CACNA2D3: variants seen among roughly 807,000 people sequenced by gnomAD.
CACNA2D3 encodes the protein calcium voltage-gated channel auxiliary subunit alpha2delta 3.
CACNA2D3 carries 60 observed loss-of-function variants against 160.6 expected under a neutral mutation model. The observed-to-expected ratio is 0.37, with a 90% CI of 0.30 to 0.46. The LOEUF is 0.46. CACNA2D3 is among the 20% of genes least tolerant of loss of function. The pLI, the probability that CACNA2D3 is intolerant of heterozygous loss-of-function variation, is 1.00. For missense variants in CACNA2D3, 1,205 were observed against 1,365.0 expected, an observed-to-expected ratio of 0.88 and a Z score of 1.85; for synonymous variants, 558 against 492.9, an observed-to-expected ratio of 1.13 and a Z score of -1.75.
chr3:54,918,649 C>A (rs142542421), intron 27 of CACNA2D3: 1 of 1,614,186 alleles, frequency 6.2e-7, no homozygotes, highest in East Asian at 2.2e-5. Context: ...AATGGCATGA[C>A]GCAGGTTGGC....
At chr3:54,409,769 A>G (rs1699635111) in intron 4 of CACNA2D3, among the ~76,000 whole-genome samples, 1 of 152,222 alleles carries the variant, frequency 6.6e-6, no homozygotes. Context: ...CCTAATTTGG[A>G]GCAAGGCCCT....
intron 11 of CACNA2D3, among the ~76,000 whole-genome samples, chr3:54,713,581 T>C (rs1165213561): frequency 6.6e-6 from 1 of 152,182 alleles, no homozygotes; most frequent in Non-Finnish European, 1.5e-5. Context: ...AAGCCTTAGC[T>C]TCCCCATTTG....
rs1701880919 is a variant in CACNA2D3 at position 54,752,607 on chromosome 3, C to CT, written c.1178dup (p.Thr394HisfsTer33). 2 of 1,613,122 alleles carry CT rather than the reference C, an allele frequency of 1.2e-6. No homozygotes were observed. ...GTTTGTCTTCCCTTCAGGTTCGCAT[C>CT]TTCACATACCTCATTGGACGAGAGG... On this transcript the variant is annotated frameshift_variant, in exon 12 of 38. Coordinates refer to ENST00000474759, the MANE Select transcript of CACNA2D3 (RefSeq NM_018398.3). LOFTEE classifies it high-confidence loss of function.
chr3:54,961,431 A>T (rs1702027465), intron 27 of CACNA2D3, among the ~76,000 whole-genome samples: 1 of 152,228 alleles, frequency 6.6e-6, no homozygotes, highest in Non-Finnish European at 1.5e-5. Flanking sequence ...TTTATTATTA[A>T]CTTATTGTAG....
At chr3:54,704,271 G>A (rs936500395) in intron 11 of CACNA2D3, among the ~76,000 whole-genome samples, 7 of 152,130 alleles carry the variant, frequency 4.6e-5, no homozygotes, top group East Asian at 1.9e-4. Flanking sequence ...TGGAGTAACC[G>A]GATCATTTAA....
intron 9 of CACNA2D3, among the ~76,000 whole-genome samples, chr3:54,619,247 G>T (rs1698929174): frequency 6.6e-6 from 1 of 152,178 alleles, no homozygotes; most frequent in Admixed American, 6.5e-5. Context: ...TCCTCTTGGA[G>T]CTGGCCTTGT....
chr3:54,571,682 G>A (rs2106722435), intron 8 of CACNA2D3, among the ~76,000 whole-genome samples: 1 of 127,352 alleles, frequency 7.9e-6, no homozygotes, highest in East Asian at 2.1e-4. Context: ...TCTTTTGCAT[G>A]AAAATAACAC....
intron 2 of CACNA2D3, among the ~76,000 whole-genome samples, chr3:54,165,489 T>C (rs1700434169): frequency 6.6e-6 from 1 of 151,932 alleles, no homozygotes; most frequent in Admixed American, 6.6e-5. Flanking sequence ...AATTAGAAGC[T>C]TCTTGACCTC....
chr3:54,610,083 C>G (rs1437502321), intron 9 of CACNA2D3, among the ~76,000 whole-genome samples: 3 of 152,110 alleles, frequency 2.0e-5, no homozygotes, highest in Admixed American at 2.0e-4. Context: ...GTCTCTGCCT[C>G]CATCTTCATA....
At chr3:54,903,606 G>A (rs1365010716) in intron 27 of CACNA2D3, among the ~76,000 whole-genome samples, 1 of 152,142 alleles carries the variant, frequency 6.6e-6, no homozygotes, top group Non-Finnish European at 1.5e-5. Context: ...TGGTAGTTCT[G>A]TTTCCAGCTC....
chr3:54,244,628 C>T lies in CACNA2D3; in HGVS notation c.205-75814C>T, dbSNP rs373856844. 1.5e-3 allele frequency among the ~76,000 whole-genome samples: 230 copies of T among 152,298 alleles called. 1 individual carries two copies. The highest frequency in any genetic ancestry group is 5.0e-3 in the African/African-American group (206 of 41,556). Reference sequence around the variant, plus strand: ...ACAAAAAAAGGAAGCATGCATTGAACATGCCAGTAATTTTCAAAAGTAAGT... The same window carrying T: ...ACAAAAAAAGGAAGCATGCATTGAATATGCCAGTAATTTTCAAAAGTAAGT... On this transcript the variant is annotated intron_variant, in intron 2 of 37. Transcript: ENST00000474759.
intron 2 of CACNA2D3, among the ~76,000 whole-genome samples, chr3:54,172,785 A>G (rs959701336): frequency 1.3e-5 from 2 of 152,220 alleles, no homozygotes; most frequent in East Asian, 1.9e-4. Context: ...TCTTCAAGGT[A>G]CATCTATTGA....
intron 4 of CACNA2D3, among the ~76,000 whole-genome samples, chr3:54,429,739 G>T (rs1273641318): frequency 6.6e-6 from 1 of 152,154 alleles, no homozygotes; most frequent in Non-Finnish European, 1.5e-5. Flanking sequence ...AAAATGTGAA[G>T]TACTTGTCTT....
At chr3:54,447,049 A>G (rs890153883) in intron 4 of CACNA2D3, among the ~76,000 whole-genome samples, 5 of 152,198 alleles carry the variant, frequency 3.3e-5, no homozygotes, top group Admixed American at 1.3e-4. Flanking sequence ...TCAGCCAACA[A>G]AACTGTCCAT....
At chr3:54,295,239 A>G (rs1703313917) in intron 2 of CACNA2D3, among the ~76,000 whole-genome samples, 1 of 152,156 alleles carries the variant, frequency 6.6e-6, no homozygotes, top group African/African-American at 2.4e-5. Context: ...TCAAGAGGGT[A>G]GACATGACTT....
At chr3:54,542,378 G>A (rs181476809) in intron 5 of CACNA2D3, among the ~76,000 whole-genome samples, 2 of 152,148 alleles carry the variant, frequency 1.3e-5, no homozygotes, top group East Asian at 3.9e-4. Context: ...AGTTTATTAA[G>A]GAGAATTAAC....
intron 13 of CACNA2D3, among the ~76,000 whole-genome samples, chr3:54,780,280 C>G (rs1241679254): frequency 6.6e-6 from 1 of 152,218 alleles, no homozygotes; most frequent in Admixed American, 6.5e-5. Context: ...CCACCTCCAT[C>G]TAAGCAGCAG....
In CACNA2D3 at chr3:54,714,403, T is replaced by C. The variant is rs567076570; in HGVS notation, c.1168-38196T>C. Among the ~76,000 whole-genome samples the C allele has an allele frequency of 8.5e-5, 13 of 152,324 alleles. No individual in the cohort carries two copies. The South Asian group carries it at 1.4e-3, about 17-fold the overall frequency. ...GGGGTATCCTTCAGCGTGAGTTGTC[T>C]TAACAGGATGTTTTACTCAGAGAAC... On this transcript the variant is annotated intron_variant, in intron 11 of 37. Coordinates refer to ENST00000474759, the MANE Select transcript of CACNA2D3 (RefSeq NM_018398.3).
intron 13 of CACNA2D3, among the ~76,000 whole-genome samples, chr3:54,773,604 C>T (rs531032510): frequency 6.6e-5 from 10 of 152,292 alleles, no homozygotes; most frequent in South Asian, 2.1e-4. Flanking sequence ...CTTCTGGCCC[C>T]GCAGTCATTA....
Sources: gnomAD v4.1 joint callset for allele counts (sites outside exome capture counted in the v4.1 genomes callset) on GRCh38, gnomAD v4.1.1 for gene constraint, MANE v1.5 for transcripts, NCBI Gene and HGNC (gene_info 2026-07-23, HGNC 2026-07-21) for gene names.